TP63: variants seen among roughly 807,000 people sequenced by gnomAD.
TP63 encodes the protein tumor protein 63.
In TP63, 17 loss-of-function variants were observed where a neutral mutation model predicts 82.8. That is an observed-to-expected ratio of 0.21 (90% CI 0.14 to 0.31). TP63 has a LOEUF of 0.31. Among genes scored for constraint, TP63 ranks in the 10% least tolerant of loss-of-function variants. The pLI is 1.00. For synonymous variants in TP63, 330 were observed against 321.7 expected (o/e 1.03, Z -0.28); for missense variants, 648 against 895.3 (o/e 0.72, Z 3.52).
chr3:189,816,194 C>T (rs1324599704), intron 4 of TP63, among the ~76,000 whole-genome samples: 1 of 152,128 alleles, frequency 6.6e-6, no homozygotes, highest in African/African-American at 2.4e-5. Context: ...GAACAAAAAT[C>T]ATCTGATAAT....
chr3:189,802,648 A>G (rs71310837), intron 3 of TP63, among the ~76,000 whole-genome samples: 12,765 of 152,278 alleles, frequency 0.084, 823 homozygotes, highest in Admixed American at 0.21. Context: ...GTTGGGACTT[A>G]GACTCCATGT....
chr3:189,605,350 T>G, the TP63 span, among the ~76,000 whole-genome samples: 1 of 152,240 alleles, frequency 6.6e-6, no homozygotes, highest in Non-Finnish European at 1.5e-5. Flanking sequence ...TCTGTATAAG[T>G]CATTGCTATT....
intron 3 of TP63, among the ~76,000 whole-genome samples, chr3:189,739,565 G>A (rs79659066): frequency 1.3e-5 from 2 of 152,062 alleles, no homozygotes; most frequent in Non-Finnish European, 2.9e-5. Context: ...GAATAAGAGG[G>A]AGGAAAAAAA....
At chr3:189,686,267 T>G (rs918487237) in intron 1 of TP63, among the ~76,000 whole-genome samples, 1 of 152,144 alleles carries the variant, frequency 6.6e-6, no homozygotes, top group African/African-American at 2.4e-5. Context: ...GAGACAAAAC[T>G]TATATTTTAG....
intron 4 of TP63, among the ~76,000 whole-genome samples, chr3:189,863,642 A>G (rs1717318572): frequency 6.6e-6 from 1 of 152,182 alleles, no homozygotes; most frequent in Non-Finnish European, 1.5e-5. Flanking sequence ...CTAGTCTTTG[A>G]CATCAGAAGG....
At chr3:189,768,150 G>A (rs1022726788) in intron 3 of TP63, among the ~76,000 whole-genome samples, 2 of 152,134 alleles carry the variant, frequency 1.3e-5, no homozygotes, top group Non-Finnish European at 2.9e-5. Flanking sequence ...TGTTGCTGCT[G>A]TTGCTGTTGC....
At chr3:189,892,136 G>A (rs1055489680) in intron 13 of TP63, among the ~76,000 whole-genome samples, 1 of 152,182 alleles carries the variant, frequency 6.6e-6, no homozygotes, top group African/African-American at 2.4e-5. Context: ...GTCCACTGAA[G>A]AGAACAGAGT....
chr3:189,652,244 CA>C lies in TP63; in HGVS notation c.62+20669del, dbSNP rs531218329. Among the ~76,000 whole-genome samples the C allele has an allele frequency of 4.3e-4, 63 of 147,156 alleles. 6 individuals carry two copies. The South Asian group carries it at 0.013, about 31-fold the overall frequency. ...AGGGGGGCTGTACCCTGCAAAGCCA[CA>C]AGGTGGAGCTGTCCAAATCCATGGG... On this transcript the variant is annotated intron_variant, in intron 1 of 13. Transcript: ENST00000264731.
At chr3:189,685,173 A>C (rs1560109274) in intron 1 of TP63, among the ~76,000 whole-genome samples, 1 of 152,190 alleles carries the variant, frequency 6.6e-6, no homozygotes, top group Non-Finnish European at 1.5e-5. Context: ...TTACCATAAT[A>C]CCAAAAGTAC....
intron 4 of TP63, among the ~76,000 whole-genome samples, chr3:189,853,178 CT>C (rs1715870042): frequency 6.6e-6 from 1 of 152,216 alleles, no homozygotes; most frequent in African/African-American, 2.4e-5. Flanking sequence ...AGCCCCCTGA[CT>C]GGTCTTCCTG....
chr3:189,618,001 C>G, the TP63 span, among the ~76,000 whole-genome samples: 546 of 152,190 alleles, frequency 3.6e-3, 1 homozygote, highest in African/African-American at 0.011. Flanking sequence ...CTGTCTGTAC[C>G]CAATATACAG....
chr3:189,788,937 TAA>T (rs34829028), intron 3 of TP63, among the ~76,000 whole-genome samples: 402 of 143,014 alleles, frequency 2.8e-3, no homozygotes, highest in Middle Eastern at 0.014. Context: ...AGCGTTTTGT[TAA>T]AAAAAAAAAA....
chr3:189,600,970 C>G, the TP63 span, among the ~76,000 whole-genome samples: 2 of 152,196 alleles, frequency 1.3e-5, no homozygotes, highest in African/African-American at 4.8e-5. Context: ...AATTGAATCT[C>G]TAATCAGTAC....
intron 10 of TP63, among the ~76,000 whole-genome samples, chr3:189,879,112 C>A (rs1419787424): frequency 6.6e-6 from 1 of 152,204 alleles, no homozygotes; most frequent in Non-Finnish European, 1.5e-5. Flanking sequence ...CTTTAGTTAG[C>A]TGTACATTGC....
chr3:189,848,239 T>TCCTTCTCTCTCTCTCTCTC, intron 4 of TP63, among the ~76,000 whole-genome samples: 1 of 96,026 alleles, frequency 1.0e-5, no homozygotes, highest in African/African-American at 4.3e-5. Flanking sequence ...CTCCTCCTCC[T>TCCTTCTCTCTCTCTCTCTC]TCTCTCTCTC....
chr3:189,614,159 G>A, the TP63 span, among the ~76,000 whole-genome samples: 1 of 152,148 alleles, frequency 6.6e-6, no homozygotes, highest in Non-Finnish European at 1.5e-5. Flanking sequence ...ATCTCAACTT[G>A]AATTGCATCT....
intron 1 of TP63, among the ~76,000 whole-genome samples, chr3:189,659,351 T>C (rs537064653): frequency 1.3e-5 from 2 of 152,200 alleles, no homozygotes; most frequent in South Asian, 4.1e-4. Flanking sequence ...GATAATGGCC[T>C]CCAGCTGCAT....
intron 4 of TP63, among the ~76,000 whole-genome samples, chr3:189,835,277 T>C (rs1712967832): frequency 6.6e-6 from 1 of 152,212 alleles, no homozygotes; most frequent in South Asian, 2.1e-4. Context: ...CTCCTAATGA[T>C]AAAAGGCTAA....
chr3:189,825,796 A>G (rs576986809), intron 4 of TP63, among the ~76,000 whole-genome samples: 2 of 152,344 alleles, frequency 1.3e-5, no homozygotes, highest in South Asian at 4.1e-4. Flanking sequence ...CGTGCTTTAA[A>G]AAAAATAATA....
Sources: allele counts gnomAD v4.1 joint callset (sites outside exome capture counted in the v4.1 genomes callset), GRCh38; gene constraint gnomAD v4.1.1; transcripts MANE v1.5; gene names NCBI Gene and HGNC (gene_info 2026-07-23, HGNC 2026-07-21).